The following TRHDE variants were observed in gnomAD, a reference collection of about 807,000 sequenced individuals.
The protein encoded by TRHDE is thyrotropin releasing hormone degrading enzyme, also known as thyrotropin-releasing hormone-degrading ectoenzyme.
A neutral mutation model predicts 125.7 loss-of-function variants in TRHDE; 72 were observed. That is an observed-to-expected ratio of 0.57 (90% CI 0.47 to 0.70). The LOEUF (loss-of-function observed/expected upper bound fraction) is 0.70. Ranked by LOEUF, TRHDE falls within the 30% of genes least tolerant of loss-of-function variation. TRHDE has a pLI of 0.00. For synonymous variants in TRHDE, 509 were observed against 509.1 expected (o/e 1.00, Z 0.00); for missense variants, 1,110 against 1,327.1 (o/e 0.84, Z 2.54).
intron 12 of TRHDE, chr12:72,611,178 T>A (rs1165809739): frequency 5.1e-6 from 1 of 195,216 alleles, no homozygotes; most frequent in Non-Finnish European, 1.2e-5. Flanking sequence ...GTGACATGAG[T>A]TTTGTCCTGT....
intron 2 of TRHDE, among the ~76,000 whole-genome samples, chr12:72,314,511 A>G (rs1337925469): frequency 6.6e-6 from 1 of 152,112 alleles, no homozygotes; most frequent in African/African-American, 2.4e-5. Context: ...TACTGTAGAC[A>G]CCGTACATAG....
chr12:72,386,059 A>G (rs1365758617), intron 3 of TRHDE, among the ~76,000 whole-genome samples: 1 of 152,188 alleles, frequency 6.6e-6, no homozygotes, highest in African/African-American at 2.4e-5. Context: ...CTAGTTGAAG[A>G]GAAGGTTTTT....
chr12:72,322,954 C>T (rs1437760204), intron 2 of TRHDE, among the ~76,000 whole-genome samples: 1 of 152,078 alleles, frequency 6.6e-6, no homozygotes, highest in African/African-American at 2.4e-5. Context: ...TTGGAGAAGC[C>T]ATTTAGCCAT....
chr12:72,634,600 A>C (rs1392146761), intron 15 of TRHDE, among the ~76,000 whole-genome samples: 1 of 151,696 alleles, frequency 6.6e-6, no homozygotes, highest in African/African-American at 2.4e-5. Context: ...CGCTGCAACC[A>C]CTAACTCGTC....
At chr12:72,620,585 C>G (rs1873012977) in intron 13 of TRHDE, among the ~76,000 whole-genome samples, 1 of 151,986 alleles carries the variant, frequency 6.6e-6, no homozygotes, top group Non-Finnish European at 1.5e-5. Context: ...TTAAATGTGT[C>G]ATTAGCTGAA....
chr12:72,323,887 G>A (rs1330893014), intron 2 of TRHDE, among the ~76,000 whole-genome samples: 1 of 152,028 alleles, frequency 6.6e-6, no homozygotes, highest in African/African-American at 2.4e-5. Context: ...CTGGCTGGTA[G>A]AGATGGCAGC....
rs1000284668 is a variant in TRHDE, at chr12:72,543,408, C to T, written c.1788+1052C>T. Among the ~76,000 whole-genome samples the T allele has an allele frequency of 5.3e-5, 8 of 151,558 alleles. 1 individual carries two copies. The East Asian group carries it at 1.5e-3, about 29-fold the overall frequency. ...AGCAGGGTTTGAAATTTACTTTAAT[C>T]AGCTCTTTCCATTAGGGACACCTTC... On this transcript the variant is annotated intron_variant, in intron 7 of 18. Coordinates refer to ENST00000261180, the MANE Select transcript of TRHDE (RefSeq NM_013381.3).
intron 2 of TRHDE, among the ~76,000 whole-genome samples, chr12:72,187,070 C>T (rs757950968): frequency 1.3e-5 from 2 of 151,928 alleles, no homozygotes; most frequent in Non-Finnish European, 2.9e-5. Flanking sequence ...AGTACACTAG[C>T]CTAGAAACAG....
intron 3 of TRHDE, among the ~76,000 whole-genome samples, chr12:72,446,041 C>T (rs767967373): frequency 3.2e-4 from 48 of 151,834 alleles, no homozygotes; most frequent in Non-Finnish European, 4.6e-4. Flanking sequence ...TTAATTGGTC[C>T]GTGCGCTAGA....
At chr12:72,621,532 G>T in intron 14 of TRHDE, 112 bp from the exon 15 acceptor site, 1 of 778,228 alleles carries the variant, frequency 1.3e-6, no homozygotes, top group Admixed American at 2.9e-5. Context: ...CAGCAGCATA[G>T]GATTTCCAGA....
At chr12:72,275,082 G>C (rs1031243989) in intron 1 of TRHDE, among the ~76,000 whole-genome samples, 2 of 152,230 alleles carry the variant, frequency 1.3e-5, no homozygotes, top group African/African-American at 4.8e-5. Flanking sequence ...CTTTTCTCAG[G>C]TGATTCTCAC....
intron 1 of TRHDE, among the ~76,000 whole-genome samples, chr12:72,094,752 C>T (rs1874873430): frequency 6.6e-6 from 1 of 152,318 alleles, no homozygotes; most frequent in Non-Finnish European, 1.5e-5. Context: ...CAGCTGAGTA[C>T]ACAAGAGAAT....
intron 2 of TRHDE, among the ~76,000 whole-genome samples, chr12:72,301,126 T>C (rs2135686818): frequency 6.6e-6 from 1 of 151,438 alleles, no homozygotes; most frequent in East Asian, 1.9e-4. Context: ...CGGAGTTCTA[T>C]TTTTTTTTAT....
chr12:72,205,450 G>C (rs1280017848), intron 2 of TRHDE, among the ~76,000 whole-genome samples: 1 of 151,672 alleles, frequency 6.6e-6, no homozygotes, highest in Non-Finnish European at 1.5e-5. Context: ...TTGTACAGCA[G>C]ATCTCTAGAA....
intron 2 of TRHDE, among the ~76,000 whole-genome samples, chr12:72,162,153 C>G (rs923762112): frequency 6.6e-6 from 1 of 152,188 alleles, no homozygotes; most frequent in Non-Finnish European, 1.5e-5. Flanking sequence ...GAAAAACGTA[C>G]TACAAGATAT....
chr12:72,663,478 C>A lies in TRHDE; in HGVS notation c.*283C>A. 4.3e-6 allele frequency: 1 copy of A among 232,366 alleles called. No homozygotes were observed. The highest frequency in any genetic ancestry group is 8.3e-6 in the Non-Finnish European group (1 of 120,330). 14.4% of individuals were successfully genotyped at this position (232,366 alleles called of 1,614,324 possible). On this transcript the variant is annotated 3_prime_UTR_variant, in exon 19 of 19. Transcript: ENST00000261180. ...CTGTACATTCCTTGCTGTACAGGAC[C>A]AAATATGATAGTGATGCATGTTGAT...
rs1049850725 is a variant in TRHDE, at chr12:72,667,676, TAGTTCTC to T, written c.*4483_*4489del. 6.6e-6 allele frequency: 1 copy of T among 151,836 alleles called. No homozygotes were observed. Among genetic ancestry groups the T allele is most frequent in the Non-Finnish European group, 1.5e-5 (1 of 67,808 alleles). The allele number at this position is 151,836 out of a possible 1,614,324, so 9.4% of individuals were successfully genotyped here. ...ATATTATACAACTATTTTTGTACAC[TAGTTCTC>T]AAAACATTTATGATACCTAGTATAA... On this transcript the variant is annotated 3_prime_UTR_variant, in exon 19 of 19. Coordinates refer to ENST00000261180, the MANE Select transcript of TRHDE (RefSeq NM_013381.3).
At chr12:72,568,809 G>A (rs554649114) in intron 10 of TRHDE, among the ~76,000 whole-genome samples, 153 bp downstream of exon 10, 1 of 152,146 alleles carries the variant, frequency 6.6e-6, no homozygotes, top group South Asian at 2.1e-4. Context: ...ATTAGATATA[G>A]TATAGTTTCT....
At chr12:72,249,985 AC>A (rs1388054608) in intron 2 of TRHDE, among the ~76,000 whole-genome samples, 2 of 152,206 alleles carry the variant, frequency 1.3e-5, no homozygotes, top group African/African-American at 4.8e-5. Flanking sequence ...ATAAAAATAA[AC>A]TGATAAGAAG....
Sources: gnomAD v4.1 joint callset for allele counts (sites outside exome capture counted in the v4.1 genomes callset) on GRCh38, gnomAD v4.1.1 for gene constraint, MANE v1.5 for transcripts, NCBI Gene and HGNC (gene_info 2026-07-23, HGNC 2026-07-21) for gene names.